VAV1: variants seen among roughly 807,000 people sequenced by gnomAD.
VAV1 encodes proto-oncogene vav.
VAV1 carries 33 observed loss-of-function variants against 128.1 expected under a neutral mutation model. That is an observed-to-expected ratio of 0.26 (90% CI 0.20 to 0.34). The LOEUF (loss-of-function observed/expected upper bound fraction) is 0.34, where lower values mean the gene tolerates loss of function less well. Among genes scored for constraint, VAV1 ranks in the 10% least tolerant of loss-of-function variants. The pLI is 1.00. For missense variants in VAV1, 715 were observed against 1,093.7 expected (o/e 0.65, Z 4.88); for synonymous variants, 394 against 409.8 (o/e 0.96, Z 0.47).
At chr19:6,792,845 G>A (rs1286523598) in intron 1 of VAV1, among the ~76,000 whole-genome samples, 2 of 152,028 alleles carry the variant, frequency 1.3e-5, no homozygotes, top group African/African-American at 4.8e-5. Flanking sequence ...GTGTGTTATT[G>A]ATATCTATTG....
chr19:6,774,285 G>C (rs563670598), intron 1 of VAV1, among the ~76,000 whole-genome samples: 1 of 143,390 alleles, frequency 7.0e-6, no homozygotes, highest in African/African-American at 2.6e-5. Context: ...CCGCCACCAC[G>C]CCTGGCTAAT....
chr19:6,780,257 T>A (rs1489680565), intron 1 of VAV1, among the ~76,000 whole-genome samples: 1 of 150,426 alleles, frequency 6.6e-6, no homozygotes, highest in Non-Finnish European at 1.5e-5. Flanking sequence ...AAAATGAGGA[T>A]GCTAAATCCC....
chr19:6,855,264 C>T (rs761512547), intron 26 of VAV1, among the ~76,000 whole-genome samples: 7 of 152,088 alleles, frequency 4.6e-5, no homozygotes, highest in Non-Finnish European at 8.8e-5. Context: ...ATAATTGCAT[C>T]GATGAGGAGT....
At chr19:6,836,139 G>T (rs563658015) in intron 19 of VAV1, 14 of 256,146 alleles carry the variant, frequency 5.5e-5, no homozygotes, top group African/African-American at 2.9e-4. Context: ...CTCCCAAAGT[G>T]CTGGGATTAC....
At chr19:6,840,875 G>A (rs1972357976) in intron 21 of VAV1, among the ~76,000 whole-genome samples, 1 of 151,832 alleles carries the variant, frequency 6.6e-6, no homozygotes, top group Non-Finnish European at 1.5e-5. Context: ...AGCCTCCCGG[G>A]TTCAAGTGAT....
rs116209622 is a variant in VAV1, at chr19:6,789,108, G to T, written c.204+16097G>T. On this transcript the variant is annotated intron_variant, in intron 1 of 26. Coordinates refer to ENST00000602142, the MANE Select transcript of VAV1 (RefSeq NM_005428.4). ...TGGGAGGCAGAATCGCCCTGGGGGC[G>T]GGCAAACCAGTTTTGGAGGGAGTGA... Among the ~76,000 whole-genome samples, 3 of 152,174 alleles carry T rather than the reference G, an allele frequency of 2.0e-5. No individual in the cohort carries two copies. In the South Asian group the frequency reaches 6.2e-4, roughly 32 times the overall value.
intron 26 of VAV1, among the ~76,000 whole-genome samples, chr19:6,856,352 A>G (rs1270169822): frequency 1.3e-5 from 2 of 152,114 alleles, no homozygotes; most frequent in African/African-American, 4.8e-5. Context: ...AGGGAGGGGA[A>G]CAGACAAAAA....
At chr19:6,784,773 C>T (rs572259422) in intron 1 of VAV1, among the ~76,000 whole-genome samples, 1 of 152,052 alleles carries the variant, frequency 6.6e-6, no homozygotes, top group African/African-American at 2.4e-5. Context: ...GGATTACAGA[C>T]GTGAGCCACC....
chr19:6,848,235 C>A (rs1972573903), intron 23 of VAV1, 121 bp downstream of exon 23: 4 of 833,406 alleles, frequency 4.8e-6, no homozygotes, highest in Non-Finnish European at 6.9e-6. Context: ...TTTTACTGAG[C>A]CCCTGCTGGT....
intron 1 of VAV1, among the ~76,000 whole-genome samples, chr19:6,798,415 T>C (rs1971188948): frequency 6.6e-6 from 1 of 151,582 alleles, no homozygotes; most frequent in Non-Finnish European, 1.5e-5. Context: ...ATTGCTTGAG[T>C]TTAGGAGATC....
chr19:6,801,703 G>A (rs1307367395), intron 1 of VAV1, among the ~76,000 whole-genome samples: 1 of 152,166 alleles, frequency 6.6e-6, no homozygotes, highest in Non-Finnish European at 1.5e-5. Flanking sequence ...GTGCTGGGGT[G>A]GGGGTGGGGA....
In VAV1 at chr19:6,828,121, C is replaced by A; in HGVS notation, c.973C>A (p.Leu325Met). The change falls in exon 10 of 27, where the codon CTG becomes ATG. Residue 325 changes from leucine to methionine, a missense_variant. Around this residue, in one of 3 missense-constraint regions of VAV1, gnomAD observed 302 missense variants for 477.8 expected, o/e 0.63. Transcript: ENST00000602142. The surrounding 1 kb of genome is among the most constrained non-coding windows in gnomAD (Gnocchi z 4.5). ...CAACGGGAGGTTCACCCTGCGGGAC[C>A]TGCTGATGGTGCCTATGCAGCGAGT... ...ANNGRFTLRD[L>M]LMVPMQRVLK... The A allele has an allele frequency of 3.7e-6, 6 of 1,614,194 alleles. No individual in the cohort carries two copies. Among genetic ancestry groups the A allele is most frequent in the South Asian group, 2.2e-5 (2 of 91,088 alleles).
rs2095317290 is a variant in VAV1 at position 6,795,102 on chromosome 19, C to T, written c.204+22091C>T. ...CAAGCCAGAAGCTGCAAGGCGTCTT[C>T]TAACCTACTTGGAAATCACGCAGTG... On this transcript the variant is annotated intron_variant, in intron 1 of 26. Transcript: ENST00000602142. 2.0e-5 allele frequency among the ~76,000 whole-genome samples: 3 copies of T among 152,250 alleles called. No individual in the cohort carries two copies. In the South Asian group the frequency reaches 6.2e-4, roughly 32 times the overall value.
At chr19:6,776,719 T>C (rs1970652389) in intron 1 of VAV1, among the ~76,000 whole-genome samples, 1 of 141,740 alleles carries the variant, frequency 7.1e-6, no homozygotes, top group African/African-American at 2.6e-5. Context: ...CACCCACCCA[T>C]CTATCCATGG....
At chr19:6,821,555 G>C in intron 2 of VAV1, 67 bp from the exon 3 acceptor site, 2 of 1,594,672 alleles carry the variant, frequency 1.3e-6, no homozygotes, top group Non-Finnish European at 1.7e-6. Context: ...GAGCCTTGCA[G>C]CTGGAAGCTG....
In VAV1 at chr19:6,828,458, A is replaced by C. The variant is rs528297651; in HGVS notation, c.1063A>C (p.Asn355His). Reference protein sequence around the residue: ...KHTQEAMEKENLRLALDAMRD... With the variant: ...KHTQEAMEKEHLRLALDAMRD... ...CACGCAGGAGGCGATGGAGAAGGAG[A>C]ACCTGCGGCTGGCCCTGGATGCCAT... The change falls in exon 11 of 27, where the codon AAC (asparagine) becomes CAC (histidine). Residue 355 changes from asparagine (N) to histidine (H), a missense_variant. Physicochemically the swap from Asn to His is moderately conservative, Grantham distance 68. Transcript: ENST00000602142. The surrounding 1 kb of genome is among the most constrained non-coding windows in gnomAD (Gnocchi z 4.5). The C allele has an allele frequency of 7.4e-6, 12 of 1,614,076 alleles. No individual in the cohort carries two copies. In the East Asian group the frequency reaches 2.7e-4, roughly 36 times the overall value.
chr19:6,792,532 G>A (rs1599627152), intron 1 of VAV1, among the ~76,000 whole-genome samples: 1 of 152,118 alleles, frequency 6.6e-6, no homozygotes, highest in East Asian at 1.9e-4. Context: ...AAGGAAGGCA[G>A]TACAGCATAA....
intron 1 of VAV1, among the ~76,000 whole-genome samples, chr19:6,783,400 T>C (rs1311430241): frequency 2.6e-5 from 4 of 151,758 alleles, no homozygotes; most frequent in African/African-American, 4.8e-5. Flanking sequence ...TGGAGTCTTT[T>C]CTACTGGGGA....
intron 1 of VAV1, among the ~76,000 whole-genome samples, chr19:6,807,580 A>G (rs958683298): frequency 1.3e-5 from 2 of 152,088 alleles, no homozygotes; most frequent in East Asian, 1.9e-4. Context: ...GACCGGTACC[A>G]GGAGGCTTGT....
Sources: gnomAD v4.1 joint callset for allele counts (sites outside exome capture counted in the v4.1 genomes callset) on GRCh38, gnomAD v4.1.1 for gene constraint, gnomAD v4.1.1 regional missense constraint, Gnocchi (gnomAD v3.1) non-coding constraint, MANE v1.5 for transcripts, NCBI Gene and HGNC (gene_info 2026-07-23, HGNC 2026-07-21) for gene names.